PRKN: variants seen among roughly 807,000 people sequenced by gnomAD.
PRKN encodes parkin RBR E3 ubiquitin protein ligase.
In PRKN, 56 loss-of-function variants were observed where a neutral mutation model predicts 59.5. The observed-to-expected ratio is 0.94, with a 90% CI of 0.76 to 1.18. PRKN has a LOEUF of 1.18. PRKN is among the 50% of genes most tolerant of loss of function. PRKN has a pLI of 0.00. For synonymous variants in PRKN, 250 were observed against 222.1 expected, an observed-to-expected ratio of 1.13 and a Z score of -1.12; for missense variants, 657 against 596.4, an observed-to-expected ratio of 1.10 and a Z score of -1.06.
Position 161,488,035 on chromosome 6 carries a change from G to A in PRKN, c.1083+60819C>T, listed in dbSNP as rs148407721. 7.4e-4 allele frequency among the ~76,000 whole-genome samples: 112 copies of A among 152,364 alleles called. No homozygotes were observed. Among genetic ancestry groups the A allele is most frequent in the Non-Finnish European group, 1.4e-3 (95 of 68,032 alleles). Reference sequence around the variant, plus strand: ...AAAATAAGCAAGGCAATTGAATAATGTAATTCCAGTTAGTGGTAAGTGATG... The same window carrying A: ...AAAATAAGCAAGGCAATTGAATAATATAATTCCAGTTAGTGGTAAGTGATG... On this transcript the variant is annotated intron_variant, in intron 9 of 11. Transcript: ENST00000366898. The surrounding 1 kb of genome is among the most constrained non-coding windows in gnomAD (Gnocchi z 4.5).
At chr6:162,143,991 A>T (rs1781897570) in intron 4 of PRKN, among the ~76,000 whole-genome samples, 1 of 152,218 alleles carries the variant, frequency 6.6e-6, no homozygotes, top group South Asian at 2.1e-4. Flanking sequence ...ATTGAATAAG[A>T]CATTATAAAA....
intron 2 of PRKN, among the ~76,000 whole-genome samples, chr6:162,278,407 C>T (rs1780728837): frequency 6.6e-6 from 1 of 152,000 alleles, no homozygotes; most frequent in African/African-American, 2.4e-5. Context: ...AGAGTGTACA[C>T]CAAGAGTGTA....
rs921992576 is a variant in PRKN at position 161,529,155 on chromosome 6, T to C, written c.1083+19699A>G. ...TCCTCTCCCTAGTCACCGCATGCCT[T>C]CCTGTTCCAGTGAAATTTAGGGTAT... On this transcript the variant is annotated intron_variant, in intron 9 of 11. Transcript: ENST00000366898. The surrounding 1 kb of genome is among the most constrained non-coding windows in gnomAD (Gnocchi z 4.4). 6.6e-6 allele frequency among the ~76,000 whole-genome samples: 1 copy of C among 152,212 alleles called. No homozygotes were observed. Among genetic ancestry groups the C allele is most frequent in the African/African-American group, 2.4e-5 (1 of 41,466 alleles).
chr6:162,641,952 T>C (rs1258124291), intron 1 of PRKN, among the ~76,000 whole-genome samples: 2 of 152,216 alleles, frequency 1.3e-5, no homozygotes, highest in African/African-American at 2.4e-5. Flanking sequence ...AAACACTCTA[T>C]AGCTAGCTCT....
chr6:161,991,346 A>C (rs1781638673), intron 5 of PRKN, among the ~76,000 whole-genome samples: 1 of 152,136 alleles, frequency 6.6e-6, no homozygotes, highest in South Asian at 2.1e-4. Context: ...GAAATGAAGG[A>C]CTCAAATGCT....
intron 7 of PRKN, among the ~76,000 whole-genome samples, chr6:161,677,244 G>A (rs955411043): frequency 6.6e-6 from 1 of 151,758 alleles, no homozygotes. Context: ...ATATAGAAGA[G>A]AATCAATAGT....
chr6:162,364,972 TCTCTCTC>T (rs796078022), intron 2 of PRKN, among the ~76,000 whole-genome samples: 1 of 145,472 alleles, frequency 6.9e-6, no homozygotes, highest in Non-Finnish European at 1.5e-5. Context: ...CCTCTCTCTC[TCTCTCTC>T]TTTTTTTTTT....
chr6:162,629,643 G>A (rs910577000), intron 1 of PRKN, among the ~76,000 whole-genome samples: 1 of 152,006 alleles, frequency 6.6e-6, no homozygotes, highest in Non-Finnish European at 1.5e-5. Context: ...TTAAAGTCTG[G>A]TAGCCTACGA....
chr6:161,508,621 G>A (rs1056530051), intron 9 of PRKN, among the ~76,000 whole-genome samples: 10 of 152,038 alleles, frequency 6.6e-5, no homozygotes, highest in Admixed American at 6.6e-4. Context: ...AATCCGCCCT[G>A]AGCTCCCTTT....
intron 4 of PRKN, among the ~76,000 whole-genome samples, chr6:162,184,288 A>T (rs1783927560): frequency 6.6e-6 from 1 of 152,188 alleles, no homozygotes. Context: ...AGTAAAAAAC[A>T]TCCACTGTCC....
intron 1 of PRKN, among the ~76,000 whole-genome samples, chr6:162,470,739 T>G (rs1791690366): frequency 6.6e-6 from 1 of 152,126 alleles, no homozygotes; most frequent in South Asian, 2.1e-4. Context: ...TTTAATTTTG[T>G]TTATTTATTT....
Position 161,875,003 on chromosome 6 carries a change from A to ACT in PRKN, c.735-89096_735-89095insAG, listed in dbSNP as rs1330248740. Reference sequence around the variant, plus strand: ...ATATTATATACTTTATATATAATATATTATATATTATATATAAAGTATATA... The same window carrying ACT: ...ATATTATATACTTTATATATAATATACTTTATATATTATATATAAAGTATATA... On this transcript the variant is annotated intron_variant, in intron 6 of 11. Transcript: ENST00000366898. 1.4e-4 allele frequency among the ~76,000 whole-genome samples: 13 copies of ACT among 93,890 alleles called. 2 individuals carry two copies. The highest frequency in any genetic ancestry group is 6.7e-4 in the African/African-American group (13 of 19,278). 61.6% of individuals were successfully genotyped at this position (93,890 alleles called of 152,430 possible).
chr6:162,108,314 G>T (rs778215312), intron 4 of PRKN, among the ~76,000 whole-genome samples: 2 of 152,156 alleles, frequency 1.3e-5, no homozygotes, highest in African/African-American at 2.4e-5. Flanking sequence ...TGGGAGGACT[G>T]CTTCTTTCTG....
At chr6:162,271,324 G>A (rs1354910343) in intron 2 of PRKN, 1 of 152,052 alleles carries the variant, frequency 6.6e-6, no homozygotes, top group East Asian at 1.9e-4. Context: ...GATCACTTGA[G>A]GTCAGGAGTT....
At chr6:162,233,458 C>A (rs925178704) in intron 3 of PRKN, among the ~76,000 whole-genome samples, 1 of 151,976 alleles carries the variant, frequency 6.6e-6, no homozygotes, top group Non-Finnish European at 1.5e-5. Context: ...AATGCAAAAA[C>A]CTGGATTAAA....
chr6:161,875,060 T>TATATG (rs1348169847), intron 6 of PRKN, among the ~76,000 whole-genome samples: 1 of 120,310 alleles, frequency 8.3e-6, no homozygotes, highest in Non-Finnish European at 1.6e-5. Context: ...ATATAAAGTA[T>TATATG]ATACATTATA....
At chr6:162,067,845 A>G (rs1050166623) in intron 4 of PRKN, among the ~76,000 whole-genome samples, 2 of 152,242 alleles carry the variant, frequency 1.3e-5, no homozygotes, top group African/African-American at 4.8e-5. Context: ...TTTACAAAGT[A>G]ACAAAGTCCA....
rs1245531797 is a variant in PRKN, at chr6:161,544,499, T to G, written c.1083+4355A>C. Among the ~76,000 whole-genome samples, 1 of 97,266 alleles carries G rather than the reference T, an allele frequency of 1.0e-5. No individual in the cohort carries two copies. The highest frequency in any genetic ancestry group is 2.3e-5 in the Non-Finnish European group (1 of 42,776). 63.8% of individuals were successfully genotyped at this position (97,266 alleles called of 152,430 possible). A position where few individuals can be genotyped will look rare whatever the true frequency, so the allele number is the denominator to read the frequency against. On this transcript the variant is annotated intron_variant, in intron 9 of 11. Transcript: ENST00000366898. The surrounding 1 kb of genome is among the most constrained non-coding windows in gnomAD (Gnocchi z 5.5). ...AGATTATTAAGATTCACTCAACCAT[T>G]TATTTTATTCATTCATTCATTCATT...
intron 9 of PRKN, among the ~76,000 whole-genome samples, chr6:161,519,793 G>A (rs1042728344): frequency 6.6e-6 from 1 of 152,138 alleles, no homozygotes; most frequent in African/African-American, 2.4e-5. Context: ...GAGTACCTTA[G>A]AGAATCTAGA....
Sources: allele counts gnomAD v4.1 joint callset (sites outside exome capture counted in the v4.1 genomes callset), GRCh38; gene constraint gnomAD v4.1.1; non-coding constraint Gnocchi (gnomAD v3.1); transcripts MANE v1.5; gene names NCBI Gene and HGNC (gene_info 2026-07-23, HGNC 2026-07-21).